CMTM8: variants seen among roughly 807,000 people sequenced by gnomAD.
CMTM8 encodes CKLF-like MARVEL transmembrane domain-containing protein 8.
CMTM8 carries 12 observed loss-of-function variants against 18.6 expected under a neutral mutation model. The observed-to-expected ratio is 0.65, with a 90% CI of 0.41 to 1.05. The LOEUF (loss-of-function observed/expected upper bound fraction) is 1.05. Among genes scored for constraint, CMTM8 ranks in the 50% least tolerant of loss-of-function variants. The probability of loss-of-function intolerance (pLI) is 0.00; values close to 1 mark genes in which losing one functional copy is unlikely to be tolerated. For missense variants in CMTM8, 217 were observed against 227.2 expected, an observed-to-expected ratio of 0.95 and a Z score of 0.29; for synonymous variants, 87 against 90.6, an observed-to-expected ratio of 0.96 and a Z score of 0.23.
chr3:32,357,821 C>T (rs1217894196), intron 2 of CMTM8, among the ~76,000 whole-genome samples: 2 of 152,224 alleles, frequency 1.3e-5, no homozygotes, highest in Non-Finnish European at 2.9e-5. Flanking sequence ...GCCAGGTTCT[C>T]TCCATTAGAT....
intron 1 of CMTM8, among the ~76,000 whole-genome samples, chr3:32,266,983 C>T (rs1292509556): frequency 4.6e-5 from 7 of 152,168 alleles, no homozygotes; most frequent in Non-Finnish European, 7.3e-5. Context: ...ATTCCATGCT[C>T]ATGGATAGGA....
intron 1 of CMTM8, among the ~76,000 whole-genome samples, chr3:32,308,357 A>G (rs945312349): frequency 2.0e-5 from 3 of 152,252 alleles, no homozygotes; most frequent in African/African-American, 7.2e-5. Context: ...GAGAAAAACA[A>G]TTATGTGAAG....
chr3:32,334,494 C>T (rs979275793), intron 1 of CMTM8, among the ~76,000 whole-genome samples: 2 of 151,396 alleles, frequency 1.3e-5, no homozygotes, highest in African/African-American at 2.4e-5. Context: ...TAGTCCCAGA[C>T]ACTCGGGAGG....
intron 1 of CMTM8, among the ~76,000 whole-genome samples, chr3:32,349,379 C>A (rs887766573): frequency 6.6e-6 from 1 of 151,782 alleles, no homozygotes; most frequent in Non-Finnish European, 1.5e-5. Flanking sequence ...ATTCTTAGAA[C>A]CAAGCAGAGG....
At chr3:32,255,308 T>C (rs948579946) in intron 1 of CMTM8, among the ~76,000 whole-genome samples, 1 of 152,242 alleles carries the variant, frequency 6.6e-6, no homozygotes, top group Non-Finnish European at 1.5e-5. Context: ...GCTATCATCA[T>C]ATGGTAACCC....
intron 1 of CMTM8, among the ~76,000 whole-genome samples, chr3:32,247,408 G>A (rs762704271): frequency 1.3e-5 from 2 of 152,130 alleles, no homozygotes; most frequent in Non-Finnish European, 2.9e-5. Flanking sequence ...CGCCTCCCAG[G>A]TTCAAGCAGT....
intron 1 of CMTM8, among the ~76,000 whole-genome samples, chr3:32,249,176 C>T (rs1702082867): frequency 6.6e-6 from 1 of 150,710 alleles, no homozygotes; most frequent in Non-Finnish European, 1.5e-5. Flanking sequence ...CGCCTGTAAT[C>T]CCACCACTTT....
At chr3:32,366,273 A>G (rs1697033463) in intron 2 of CMTM8, among the ~76,000 whole-genome samples, 1 of 152,146 alleles carries the variant, frequency 6.6e-6, no homozygotes, top group African/African-American at 2.4e-5. Flanking sequence ...GGGAAATAGC[A>G]GTTTCTTGTT....
intron 1 of CMTM8, among the ~76,000 whole-genome samples, chr3:32,276,546 G>A (rs1245956193): frequency 6.6e-6 from 1 of 152,166 alleles, no homozygotes; most frequent in Non-Finnish European, 1.5e-5. Context: ...TTGCATGGGT[G>A]CTTTATCTGA....
chr3:32,317,299 A>G (rs898270483), intron 1 of CMTM8, among the ~76,000 whole-genome samples: 6 of 152,254 alleles, frequency 3.9e-5, no homozygotes, highest in Admixed American at 3.9e-4. Context: ...TACTTAAAAC[A>G]TAGATTAAAC....
rs1695914436 is a variant in CMTM8 at position 32,315,691 on chromosome 3, G to C, written c.148-41682G>C. Among the ~76,000 whole-genome samples the C allele has an allele frequency of 2.6e-5, 4 of 152,170 alleles. No homozygotes were observed. In the South Asian group the frequency reaches 8.3e-4, roughly 32 times the overall value. On this transcript the variant is annotated intron_variant, in intron 1 of 3. Coordinates refer to ENST00000307526, the MANE Select transcript of CMTM8 (RefSeq NM_178868.5). ...ATTGCCAAGAGATGGCTTGAGTCCA[G>C]CTTTTCCCAGATTTGACCATGAACC...
At chr3:32,332,509 G>A (rs370294300) in intron 1 of CMTM8, among the ~76,000 whole-genome samples, 4 of 152,282 alleles carry the variant, frequency 2.6e-5, no homozygotes, top group South Asian at 4.1e-4. Context: ...AGAAGGAGGC[G>A]ATGGGAAAGG....
chr3:32,310,254 A>G (rs1273618296), intron 1 of CMTM8, among the ~76,000 whole-genome samples: 1 of 152,190 alleles, frequency 6.6e-6, no homozygotes, highest in Non-Finnish European at 1.5e-5. Flanking sequence ...TGGCTCTCCA[A>G]AGGAATCCCA....
At chr3:32,326,003 A>G (rs1696143568) in intron 1 of CMTM8, among the ~76,000 whole-genome samples, 2 of 152,218 alleles carry the variant, frequency 1.3e-5, no homozygotes, top group Non-Finnish European at 2.9e-5. Context: ...CAGCCAGCTC[A>G]GGATGACTGG....
At chr3:32,343,742 C>CA (rs1366718413) in intron 1 of CMTM8, among the ~76,000 whole-genome samples, 1 of 152,138 alleles carries the variant, frequency 6.6e-6, no homozygotes, top group African/African-American at 2.4e-5. Context: ...TCTTGTCACC[C>CA]AGGCTGGAGT....
intron 2 of CMTM8, among the ~76,000 whole-genome samples, chr3:32,364,160 C>A (rs3844587): frequency 1.3e-5 from 2 of 151,910 alleles, no homozygotes; most frequent in Non-Finnish European, 2.9e-5. Context: ...TCACTTGAGC[C>A]CAGGAGTTCA....
At chr3:32,335,202 G>A (rs776238211) in intron 1 of CMTM8, among the ~76,000 whole-genome samples, 16 of 152,206 alleles carry the variant, frequency 1.1e-4, no homozygotes, top group Non-Finnish European at 2.2e-4. Context: ...GGGTACCAGT[G>A]GGTCTGCCAA....
chr3:32,317,834 T>G (rs1695959684), intron 1 of CMTM8, among the ~76,000 whole-genome samples: 1 of 151,916 alleles, frequency 6.6e-6, no homozygotes, highest in Non-Finnish European at 1.5e-5. Flanking sequence ...GGCGCGCAGA[T>G]CATGAGGTCA....
At chr3:32,357,938 C>G (rs964767051) in intron 2 of CMTM8, among the ~76,000 whole-genome samples, 4 of 152,202 alleles carry the variant, frequency 2.6e-5, no homozygotes, top group African/African-American at 9.7e-5. Context: ...GGGCTGTGGC[C>G]TTAACCCTTT....
Sources: allele counts gnomAD v4.1 joint callset (sites outside exome capture counted in the v4.1 genomes callset), GRCh38; gene constraint gnomAD v4.1.1; transcripts MANE v1.5; gene names NCBI Gene and HGNC (gene_info 2026-07-23, HGNC 2026-07-21).